PIGG: variants seen among roughly 807,000 people sequenced by gnomAD.
The protein encoded by PIGG is GPI ethanolamine phosphate transferase 2, catalytic subunit.
PIGG carries 70 observed loss-of-function variants against 83.2 expected under a neutral mutation model. That is an observed-to-expected ratio of 0.84 (90% CI 0.69 to 1.03). PIGG has a LOEUF of 1.03. Among genes scored for constraint, PIGG ranks in the 50% least tolerant of loss-of-function variants. The probability of loss-of-function intolerance (pLI) is 0.00; values close to 1 mark genes in which losing one functional copy is unlikely to be tolerated. For synonymous variants in PIGG, 532 were observed against 519.5 expected (o/e 1.02, Z -0.33); for missense variants, 1,257 against 1,233.6 (o/e 1.02, Z -0.28).
chr4:521,384 TA>T lies in PIGG; in HGVS notation c.1332+113del. On this transcript the variant is annotated intron_variant, in intron 7 of 12. Transcript: ENST00000453061. ...GGTGTTATTAAAAATGGGAAAATAT[TA>T]ATTTTCTTGTTTAACTCTTTCGTGG... 3 of 769,164 alleles carry T rather than the reference TA, an allele frequency of 3.9e-6. No homozygotes were observed. The Admixed American group carries it at 8.8e-5, about 23-fold the overall frequency. The allele number at this position is 769,164 out of a possible 1,614,324, so 47.6% of individuals were successfully genotyped here.
intron 5 of PIGG, among the ~76,000 whole-genome samples, chr4:513,483 G>A (rs925298251): frequency 1.3e-5 from 2 of 152,164 alleles, no homozygotes; most frequent in Admixed American, 6.5e-5. Context: ...AGAGTCAAGG[G>A]GTGTGGGAAG....
chr4:535,152 G>T (rs71193746), intron 12 of PIGG, among the ~76,000 whole-genome samples: 4,444 of 152,348 alleles, frequency 0.029, 72 homozygotes, highest in African/African-American at 0.04. Context: ...GTGTGGCGGG[G>T]GTGGGTGATT....
chr4:522,353 A>G (rs1726228819), intron 8 of PIGG: 2 of 360,276 alleles, frequency 5.6e-6, no homozygotes, highest in Admixed American at 4.1e-5. Context: ...GAGGGTCAAA[A>G]GGAGACTTGG....
At chr4:527,263 C>G (rs138068915) in intron 10 of PIGG, 33 bp downstream of exon 10, 1 of 1,537,216 alleles carries the variant, frequency 6.5e-7, no homozygotes, top group African/African-American at 1.4e-5. Flanking sequence ...GTGCATAGAG[C>G]CACTTTACTG....
chr4:506,045 G>T, intron 3 of PIGG, 118 bp downstream of exon 3: 1 of 693,204 alleles, frequency 1.4e-6, no homozygotes, highest in Non-Finnish European at 2.4e-6. Flanking sequence ...TAATTTATAG[G>T]GAGTACTATG....
intron 5 of PIGG, among the ~76,000 whole-genome samples, chr4:509,949 C>T (rs1463546063): frequency 6.6e-6 from 1 of 152,236 alleles, no homozygotes; most frequent in Non-Finnish European, 1.5e-5. Context: ...TCTGCCTCCA[C>T]ATTACACTTT....
chr4:525,221 G>T (rs1270428218), intron 9 of PIGG: 2 of 985,240 alleles, frequency 2.0e-6, no homozygotes, highest in Admixed American at 1.2e-4. Context: ...TTTCATTGGC[G>T]ACTGGAAAAC....
intron 2 of PIGG, chr4:501,313 C>A: frequency 2.9e-6 from 1 of 348,164 alleles, no homozygotes; most frequent in Admixed American, 3.9e-5. Context: ...AACAAAGGAG[C>A]ATATGAAAAC....
intron 11 of PIGG, chr4:532,933 G>T (rs1302561866): frequency 3.9e-5 from 6 of 153,518 alleles, no homozygotes; most frequent in Admixed American, 1.3e-4. Context: ...GGGCCTAGGA[G>T]TGGAAGGGTG....
chr4:499,795 G>A (rs1337856715), intron 1 of PIGG: 2 of 1,198,616 alleles, frequency 1.7e-6, no homozygotes, highest in Non-Finnish European at 2.1e-6. Flanking sequence ...CCCCTTTCCT[G>A]AGCAGCCTTT....
In PIGG at chr4:503,544, T is replaced by C. The variant is rs141569131; in HGVS notation, c.361-2174T>C. ...GAGCCTTTGCAGTTTGCAGGTGTTT[T>C]ACTCTGGAAAGTCCCACCTCACCTC... On this transcript the variant is annotated intron_variant, in intron 2 of 12. Transcript: ENST00000453061. Among the ~76,000 whole-genome samples the C allele has an allele frequency of 2.5e-3, 388 of 152,284 alleles. 3 individuals carry two copies. Among genetic ancestry groups the C allele is most frequent in the African/African-American group, 9.1e-3 (377 of 41,542 alleles).
At chr4:518,867 A>G (rs1314978349) in intron 6 of PIGG, among the ~76,000 whole-genome samples, 1 of 151,996 alleles carries the variant, frequency 6.6e-6, no homozygotes, top group Admixed American at 6.5e-5. Context: ...TTTAGAACCC[A>G]CAGCCAGGCC....
chr4:516,854 CAAAAAAAAAAA>C (rs1178401194), intron 6 of PIGG, among the ~76,000 whole-genome samples: 1 of 46,520 alleles, frequency 2.1e-5, no homozygotes, highest in Admixed American at 2.5e-4. Context: ...GACTCTGCCT[CAAAAAAAAAAA>C]AAAAAAAAAA....
At chr4:535,265 C>G (rs1024602217) in intron 12 of PIGG, among the ~76,000 whole-genome samples, 8 of 151,474 alleles carry the variant, frequency 5.3e-5, no homozygotes, top group African/African-American at 2.0e-4. Flanking sequence ...TTGCTGGGAG[C>G]TCAATGGGGG....
chr4:522,255 T>C (rs1313818015), intron 8 of PIGG: 7 of 572,114 alleles, frequency 1.2e-5, no homozygotes, highest in Non-Finnish European at 2.2e-5. Context: ...GCCCCCCCGC[T>C]GAGGGGGTGT....
At position 523,488 on chromosome 4, in the gene PIGG, A is replaced by T; in HGVS notation, c.1644A>T (p.Ser548=). 1 of 1,611,860 alleles carries T rather than the reference A, an allele frequency of 6.2e-7. No individual in the cohort carries two copies. The highest frequency in any genetic ancestry group is 2.2e-5 in the East Asian group (1 of 44,792). ...CCATGCATCCCAGCTCAAGGTGGTC[A>T]GAGCTAGACCTTCTTATTCTGTTGG... ...KNPMHPSSRW[S]ELDLLILLGT... Residue 548 remains serine, a synonymous_variant, in exon 9 of 13, where the codon TCA becomes TCT. Coordinates refer to ENST00000453061, the MANE Select transcript of PIGG (RefSeq NM_001127178.3).
chr4:500,677 G>A (rs991587838), intron 2 of PIGG, 76 bp downstream of exon 2: 11 of 921,608 alleles, frequency 1.2e-5, no homozygotes, highest in Middle Eastern at 3.1e-4. Context: ...GTAGTCTTTC[G>A]CTTGGAGTTG....
At chr4:539,098 C>A in intron 12 of PIGG, 55 bp from the exon 13 acceptor site, 2 of 1,120,732 alleles carry the variant, frequency 1.8e-6, no homozygotes, top group Non-Finnish European at 2.7e-6. Context: ...AGTGTTGTTA[C>A]ATGTGTGATA....
At chr4:503,987 A>G (rs1353739653) in intron 2 of PIGG, among the ~76,000 whole-genome samples, 2 of 152,184 alleles carry the variant, frequency 1.3e-5, no homozygotes, top group African/African-American at 4.8e-5. Context: ...CTATTGAAAT[A>G]TAATTTTTAT....
Sources: gnomAD v4.1 joint callset for allele counts (sites outside exome capture counted in the v4.1 genomes callset) on GRCh38, gnomAD v4.1.1 for gene constraint, MANE v1.5 for transcripts, NCBI Gene and HGNC (gene_info 2026-07-23, HGNC 2026-07-21) for gene names.